Variants in CENPP observed in about 807,000 individuals in gnomAD.
CENPP encodes the protein centromere protein P.
CENPP carries 24 observed loss-of-function variants against 35.6 expected under a neutral mutation model. That is an observed-to-expected ratio of 0.67 (90% CI 0.49 to 0.95). CENPP has a LOEUF of 0.95. CENPP is among the 40% of genes least tolerant of loss of function. CENPP has a pLI of 0.00. For missense variants in CENPP, 332 were observed against 345.3 expected (o/e 0.96, Z 0.31); for synonymous variants, 120 against 125.5 (o/e 0.96, Z 0.29).
chr9:92,457,166 T>TA, intron 5 of CENPP: 1 of 1,434,074 alleles, frequency 7.0e-7, no homozygotes, highest in Non-Finnish European at 9.1e-7. Context: ...TCAGTGGACT[T>TA]ACCACTTGAG....
chr9:92,419,024 T>A (rs1055959535), intron 5 of CENPP, among the ~76,000 whole-genome samples: 2 of 152,156 alleles, frequency 1.3e-5, no homozygotes, highest in Non-Finnish European at 2.9e-5. Flanking sequence ...CCCAGGTGTT[T>A]AAAGTCTTGT....
intron 5 of CENPP, among the ~76,000 whole-genome samples, chr9:92,430,829 C>T (rs1188491182): frequency 6.6e-6 from 1 of 152,094 alleles, no homozygotes; most frequent in African/African-American, 2.4e-5. Flanking sequence ...TGGAGTCTCG[C>T]TCTGTCACCA....
intron 5 of CENPP, among the ~76,000 whole-genome samples, chr9:92,544,156 CAT>C (rs142969515): frequency 0.098 from 14,963 of 152,260 alleles, 835 homozygotes; most frequent in Middle Eastern, 0.15. Flanking sequence ...TTAAGCATGA[CAT>C]ATTAACTGTG....
At chr9:92,349,898 A>G (rs983472858) in intron 4 of CENPP, among the ~76,000 whole-genome samples, 3 of 152,158 alleles carry the variant, frequency 2.0e-5, no homozygotes, top group Non-Finnish European at 4.4e-5. Flanking sequence ...GTGTGAATGT[A>G]AGTTTTCTTT....
intron 5 of CENPP, chr9:92,517,935 G>A: frequency 6.3e-7 from 1 of 1,589,460 alleles, no homozygotes; most frequent in South Asian, 1.1e-5. Context: ...AACTGTGAAT[G>A]GAAGTAAACA....
At chr9:92,469,604 T>C (rs962525537) in intron 5 of CENPP, among the ~76,000 whole-genome samples, 2 of 152,208 alleles carry the variant, frequency 1.3e-5, no homozygotes, top group African/African-American at 4.8e-5. Context: ...TTTTATCTTA[T>C]CTAGAGATGA....
At chr9:92,536,869 A>ATTTTTT (rs11459753) in intron 5 of CENPP, among the ~76,000 whole-genome samples, 2 of 141,528 alleles carry the variant, frequency 1.4e-5, no homozygotes, top group Non-Finnish European at 3.1e-5. Context: ...TATTTTTTAA[A>ATTTTTT]TTTTTTTTTT....
At chr9:92,354,477 G>A (rs967822441) in intron 4 of CENPP, among the ~76,000 whole-genome samples, 1 of 152,096 alleles carries the variant, frequency 6.6e-6, no homozygotes, top group African/African-American at 2.4e-5. Flanking sequence ...GGGTGGCTGG[G>A]GAAAGAGGCT....
intron 5 of CENPP, among the ~76,000 whole-genome samples, chr9:92,469,236 G>C (rs1845422300): frequency 6.6e-6 from 1 of 152,194 alleles, no homozygotes. Context: ...TGCTCTTCTA[G>C]TTGCTCTTTT....
At chr9:92,496,267 C>T in intron 5 of CENPP, 1 of 1,530,678 alleles carries the variant, frequency 6.5e-7, no homozygotes, top group South Asian at 1.4e-5. Flanking sequence ...AATGCAGCTA[C>T]TACAAATACA....
At chr9:92,610,536 C>T (rs1231587993) in intron 5 of CENPP, 1 of 152,222 alleles carries the variant, frequency 6.6e-6, no homozygotes, top group Non-Finnish European at 1.5e-5. Flanking sequence ...AAACAGCAGA[C>T]GTGTCCAGAA....
At chr9:92,412,046 CT>C (rs1843458249) in intron 5 of CENPP, among the ~76,000 whole-genome samples, 1 of 151,868 alleles carries the variant, frequency 6.6e-6, no homozygotes, top group African/African-American at 2.4e-5. Flanking sequence ...TACAATTCAT[CT>C]TTTTAAAGTA....
At chr9:92,470,855 A>G in intron 5 of CENPP, 2 of 924,320 alleles carry the variant, frequency 2.2e-6, no homozygotes, top group Non-Finnish European at 3.3e-6. Context: ...GTAGAAATAT[A>G]CATTTTTTAA....
intron 5 of CENPP, among the ~76,000 whole-genome samples, chr9:92,399,618 C>A (rs1843026899): frequency 6.6e-6 from 1 of 152,138 alleles, no homozygotes; most frequent in African/African-American, 2.4e-5. Flanking sequence ...CACCCAGATT[C>A]TTTTCTAGTA....
At chr9:92,364,727 T>A (rs1447826201) in intron 4 of CENPP, among the ~76,000 whole-genome samples, 1 of 152,236 alleles carries the variant, frequency 6.6e-6, no homozygotes, top group Non-Finnish European at 1.5e-5. Context: ...AATACAATGA[T>A]GAACAAGATA....
chr9:92,493,179 G>C (rs897087196), intron 5 of CENPP, among the ~76,000 whole-genome samples: 1 of 152,230 alleles, frequency 6.6e-6, no homozygotes, highest in African/African-American at 2.4e-5. Context: ...AGGGGGATGG[G>C]AGTGAACACT....
intron 5 of CENPP, among the ~76,000 whole-genome samples, chr9:92,559,303 CTTCCT>C: frequency 1.3e-5 from 2 of 152,348 alleles, no homozygotes; most frequent in East Asian, 3.9e-4. Context: ...TTTTCTGCTG[CTTCCT>C]CTACCCCTGT....
At chr9:92,529,292 A>C (rs1478785656) in intron 5 of CENPP, among the ~76,000 whole-genome samples, 2 of 152,188 alleles carry the variant, frequency 1.3e-5, no homozygotes, top group African/African-American at 4.8e-5. Context: ...TAAAACCCAA[A>C]ACACTGACAA....
intron 5 of CENPP, among the ~76,000 whole-genome samples, chr9:92,492,228 CT>C (rs1200639489): frequency 5.3e-5 from 8 of 152,132 alleles, no homozygotes; most frequent in Non-Finnish European, 7.3e-5. Flanking sequence ...AGCTATATAC[CT>C]GTAATTTGTG....
Sources: allele counts gnomAD v4.1 joint callset (sites outside exome capture counted in the v4.1 genomes callset), GRCh38; gene constraint gnomAD v4.1.1; transcripts MANE v1.5; gene names NCBI Gene and HGNC (gene_info 2026-07-23, HGNC 2026-07-21).